The following PLBD1 variants were observed in gnomAD, a reference collection of about 807,000 sequenced individuals.
PLBD1 encodes lysosomal leucine aminopeptidase.
Under a neutral mutation model 63.0 loss-of-function variants are expected in PLBD1, and 60 were observed. The observed-to-expected ratio is 0.95, with a 90% CI of 0.77 to 1.18. The LOEUF is 1.18. PLBD1 is among the 50% of genes most tolerant of loss of function. The pLI is 0.00. For missense variants in PLBD1, 598 were observed against 677.9 expected (o/e 0.88, Z 1.31); for synonymous variants, 262 against 248.0 (o/e 1.06, Z -0.53).
chr12:14,510,733 A>G (rs1945291481), intron 8 of PLBD1, among the ~76,000 whole-genome samples: 1 of 152,134 alleles, frequency 6.6e-6, no homozygotes, highest in African/African-American at 2.4e-5. Context: ...CTTCTTGCCC[A>G]CCAGAAGTGC....
chr12:14,521,266 C>T (rs1945373726), intron 6 of PLBD1, among the ~76,000 whole-genome samples: 1 of 152,046 alleles, frequency 6.6e-6, no homozygotes, highest in South Asian at 2.1e-4. Flanking sequence ...GTCCTGACGC[C>T]CAAGGAACAG....
chr12:14,517,815 G>A (rs796845002), intron 6 of PLBD1, among the ~76,000 whole-genome samples: 6 of 152,304 alleles, frequency 3.9e-5, no homozygotes, highest in African/African-American at 1.2e-4. Context: ...AATACTAGAA[G>A]TTAATGGTAG....
rs374722176 is a variant in PLBD1 at position 14,532,611 on chromosome 12, C to G, written c.844+3048G>C. Among the ~76,000 whole-genome samples, 34 of 152,278 alleles carry G rather than the reference C, an allele frequency of 2.2e-4. No individual in the cohort carries two copies. The East Asian group carries it at 6.2e-3, about 28-fold the overall frequency. ...AGGAATCTGCTTACCAGGACCAGGC[C>G]ATAGGCTTGAGTCCCAGAGCTCCTT... On this transcript the variant is annotated intron_variant, in intron 6 of 10. Coordinates refer to ENST00000240617, the MANE Select transcript of PLBD1 (RefSeq NM_024829.6).
chr12:14,538,281 C>T (rs905897343), intron 4 of PLBD1, among the ~76,000 whole-genome samples: 3 of 152,096 alleles, frequency 2.0e-5, no homozygotes, highest in African/African-American at 4.8e-5. Flanking sequence ...GCAACCTCCG[C>T]ATCCTGAGTT....
Position 14,536,214 on chromosome 12 carries a change from G to C in PLBD1, c.699+356C>G, listed in dbSNP as rs557078142. ...CTCGGGAAGCTGAGGCAGGAGAATC[G>C]CTTGAACCTGGGAGGCAGAGGTTGC... On this transcript the variant is annotated intron_variant, in intron 5 of 10. Transcript: ENST00000240617. The C allele has an allele frequency of 2.1e-5, 5 of 234,088 alleles. No individual in the cohort carries two copies. The East Asian group carries it at 4.5e-4, about 21-fold the overall frequency. 14.5% of individuals were successfully genotyped at this position (234,088 alleles called of 1,614,324 possible).
chr12:14,548,478 A>G (rs1428283621), intron 2 of PLBD1, among the ~76,000 whole-genome samples: 1 of 142,676 alleles, frequency 7.0e-6, no homozygotes, highest in Non-Finnish European at 1.5e-5. Flanking sequence ...AAAAAAAAAA[A>G]AAAAGAAGAA....
In PLBD1 at chr12:14,503,712, T is replaced by G; in HGVS notation, c.*60A>C. 1 of 1,416,700 alleles carries G rather than the reference T, an allele frequency of 7.1e-7. No homozygotes were observed. Among genetic ancestry groups the G allele is most frequent in the Non-Finnish European group, 9.7e-7 (1 of 1,026,392 alleles). The allele number at this position is 1,416,700 out of a possible 1,614,324, so 87.8% of individuals were successfully genotyped here. A position where few individuals can be genotyped will look rare whatever the true frequency, so the allele number is the denominator to read the frequency against. On this transcript the variant is annotated 3_prime_UTR_variant, in exon 11 of 11. Transcript: ENST00000240617. ...TTGCATAATTCTGATGGGAAAAACA[T>G]AGCTAAAATAGTGCCTTTGGTATCT... is the stretch of plus-strand genomic sequence containing the variant.
rs71448876 is a variant in PLBD1 at position 14,540,106 on chromosome 12, T to TTTTA, written c.558+657_558+658insTAAA. 9.3e-3 allele frequency among the ~76,000 whole-genome samples: 595 copies of TTTTA among 64,008 alleles called. 63 individuals are homozygous for TTTTA. The highest frequency in any genetic ancestry group is 0.017 in the East Asian group (22 of 1,328). 42.0% of individuals were successfully genotyped at this position (64,008 alleles called of 152,430 possible). A position where few individuals can be genotyped will look rare whatever the true frequency, so the allele number is the denominator to read the frequency against. The stretch of plus-strand genomic sequence containing the variant: ...AAAAGAGAGTTATATAATATAAATA[T>TTTTA]TATTTATATATATATATATATATAT... On this transcript the variant is annotated intron_variant, in intron 4 of 10. Transcript: ENST00000240617.
intron 2 of PLBD1, among the ~76,000 whole-genome samples, chr12:14,547,068 T>C (rs1030259822): frequency 1.3e-5 from 2 of 151,968 alleles, no homozygotes; most frequent in Non-Finnish European, 1.5e-5. Flanking sequence ...TTAGTAGACA[T>C]AGGGTTTCAC....
At chr12:14,542,096 G>A (rs1945577045) in intron 3 of PLBD1, 112 bp downstream of exon 3, 4 of 801,188 alleles carry the variant, frequency 5.0e-6, no homozygotes, top group African/African-American at 3.5e-5. Flanking sequence ...AATAACTCTA[G>A]AGTCCTGCTA....
chr12:14,509,332 C>T (rs1230381731), intron 8 of PLBD1, among the ~76,000 whole-genome samples: 1 of 152,160 alleles, frequency 6.6e-6, no homozygotes, highest in East Asian at 1.9e-4. Context: ...ATTCTGTTAT[C>T]AGCAACTGTC....
chr12:14,515,484 C>CA, intron 6 of PLBD1, among the ~76,000 whole-genome samples: 1 of 150,278 alleles, frequency 6.7e-6, no homozygotes, highest in East Asian at 1.9e-4. Flanking sequence ...TCTGCTATTG[C>CA]TTTTTTTTTC....
chr12:14,563,295 G>A (rs117999980), intron 1 of PLBD1, among the ~76,000 whole-genome samples: 282 of 152,182 alleles, frequency 1.9e-3, no homozygotes, highest in Non-Finnish European at 3.1e-3. Flanking sequence ...CAGGGCAGGC[G>A]ATGCACTTGA....
At chr12:14,561,029 AGAGACGCCCT>A (rs1010680477) in intron 1 of PLBD1, among the ~76,000 whole-genome samples, 3 of 151,882 alleles carry the variant, frequency 2.0e-5, no homozygotes, top group African/African-American at 7.3e-5. Context: ...CTGTGATTTC[AGAGACGCCCT>A]GAGGTGGAAA....
intron 2 of PLBD1, among the ~76,000 whole-genome samples, chr12:14,543,406 TAA>T (rs1409683635): frequency 6.6e-6 from 1 of 152,178 alleles, no homozygotes; most frequent in Admixed American, 6.6e-5. Context: ...CCTTTTTAAT[TAA>T]AAATTTTGAT....
At chr12:14,557,267 C>G (rs915363226) in intron 1 of PLBD1, among the ~76,000 whole-genome samples, 3 of 152,066 alleles carry the variant, frequency 2.0e-5, no homozygotes, top group African/African-American at 7.2e-5. Flanking sequence ...CCTCAAAGAC[C>G]TAAAAACAGA....
chr12:14,511,091 G>A (rs1417034683), intron 8 of PLBD1, among the ~76,000 whole-genome samples, 169 bp downstream of exon 8: 4 of 152,156 alleles, frequency 2.6e-5, no homozygotes, highest in African/African-American at 7.2e-5. Context: ...TGAGATGTAG[G>A]TTTACATGTT....
chr12:14,558,512 C>T (rs1159854284), intron 1 of PLBD1, among the ~76,000 whole-genome samples: 4 of 152,152 alleles, frequency 2.6e-5, no homozygotes, highest in South Asian at 2.1e-4. Flanking sequence ...CTCCAGGGAG[C>T]GTTGTAGGGA....
chr12:14,552,097 T>C (rs190814947), intron 2 of PLBD1, among the ~76,000 whole-genome samples: 5 of 152,284 alleles, frequency 3.3e-5, no homozygotes, highest in African/African-American at 1.2e-4. Context: ...GTACTCAAAA[T>C]AGATTAAGAC....
Sources: allele counts gnomAD v4.1 joint callset (sites outside exome capture counted in the v4.1 genomes callset), GRCh38; gene constraint gnomAD v4.1.1; transcripts MANE v1.5; gene names NCBI Gene and HGNC (gene_info 2026-07-23, HGNC 2026-07-21).